The following SAP30BP variants were observed in gnomAD, a reference collection of about 807,000 sequenced individuals.
SAP30BP encodes the protein SAP30-binding protein.
Under a neutral mutation model 46.3 loss-of-function variants are expected in SAP30BP, and 31 were observed. The ratio of observed to expected loss-of-function variants is 0.67; its 90% CI spans 0.50 to 0.90. The LOEUF (loss-of-function observed/expected upper bound fraction) is 0.90, where lower values mean the gene tolerates loss of function less well. Ranked by LOEUF, SAP30BP falls within the 40% of genes least tolerant of loss-of-function variation. The pLI is 0.00. For missense variants in SAP30BP, 312 were observed against 391.0 expected (o/e 0.80, Z 1.70); for synonymous variants, 169 against 144.2 (o/e 1.17, Z -1.23).
chr17:75,703,313 T>A lies in SAP30BP; in HGVS notation c.491T>A (p.Ile164Asn). Residue 164 changes from isoleucine (I) to asparagine (N), a missense_variant and splice_region_variant, in exon 7 of 11, where the codon ATC becomes AAC. Ile to Asn is a moderately radical substitution (Grantham distance 149). Coordinates refer to ENST00000584667, the MANE Select transcript of SAP30BP (RefSeq NM_013260.8). Reference protein sequence around the residue: ...QRKKEFRNPSIYEKLIQFCAI... With the variant: ...QRKKEFRNPSNYEKLIQFCAI... ...CAGCGCCGGCACTGTTCTTTCAGCATCTACGAGAAGCTGATCCAGTTCTGT... is the reference window on the plus strand; with the variant it reads ...CAGCGCCGGCACTGTTCTTTCAGCAACTACGAGAAGCTGATCCAGTTCTGT... 6.2e-7 allele frequency: 1 copy of A among 1,614,126 alleles called. No individual in the cohort carries two copies. The highest frequency in any genetic ancestry group is 8.5e-7 in the Non-Finnish European group (1 of 1,180,004).
At chr17:75,702,927 A>G (rs2060435806) in intron 6 of SAP30BP, 1 of 308,372 alleles carries the variant, frequency 3.2e-6, no homozygotes, top group Non-Finnish European at 6.0e-6. Flanking sequence ...CAACTCTAAA[A>G]AGCTGATTTT....
intron 3 of SAP30BP, among the ~76,000 whole-genome samples, chr17:75,688,021 T>C (rs1313512094): frequency 6.6e-6 from 1 of 151,684 alleles, no homozygotes; most frequent in Non-Finnish European, 1.5e-5. Context: ...TTAGACTTGG[T>C]GATTTTTGTG....
chr17:75,693,572 G>C (rs915956563), intron 4 of SAP30BP, 90 bp downstream of exon 4: 1 of 1,194,818 alleles, frequency 8.4e-7, no homozygotes, highest in African/African-American at 1.5e-5. Flanking sequence ...GCCCCACAGG[G>C]CTTCTGTCTG....
In SAP30BP at chr17:75,667,563, G is replaced by C; in HGVS notation, c.106+85G>C. 3.9e-6 allele frequency: 5 copies of C among 1,279,146 alleles called. No individual in the cohort carries two copies. The South Asian group carries it at 6.1e-5, about 16-fold the overall frequency. 79.2% of individuals were successfully genotyped at this position (1,279,146 alleles called of 1,614,324 possible). Reference sequence around the variant, plus strand: ...CTCGCTGGGCGGGAGGGAACAAGATGGTCATTGTGCTCCAAGCACCGGACC... The same window carrying C: ...CTCGCTGGGCGGGAGGGAACAAGATCGTCATTGTGCTCCAAGCACCGGACC... On this transcript the variant is annotated intron_variant, in intron 1 of 10. Transcript: ENST00000584667.
intron 5 of SAP30BP, among the ~76,000 whole-genome samples, chr17:75,701,601 G>GC (rs1740173393): frequency 6.6e-6 from 1 of 152,198 alleles, no homozygotes. Flanking sequence ...CGATAAACCA[G>GC]CGCGGACCAG....
At chr17:75,674,980 G>A (rs902024872) in intron 3 of SAP30BP, among the ~76,000 whole-genome samples, 26 of 152,220 alleles carry the variant, frequency 1.7e-4, no homozygotes, top group South Asian at 8.3e-4. Context: ...TGGGATTAGA[G>A]CTGTGAGCCA....
rs1375302549 is a variant in SAP30BP at position 75,699,765 on chromosome 17, T to G, written c.308-18T>G. ...TTCTAATCCCCACCTACAGAATTTT[T>G]CCTTCTTCTCTCAACAGCCTCCTTT... On this transcript the variant is annotated intron_variant, in intron 4 of 10. Coordinates refer to ENST00000584667, the MANE Select transcript of SAP30BP (RefSeq NM_013260.8). 1 of 1,597,716 alleles carries G rather than the reference T, an allele frequency of 6.3e-7. No homozygotes were observed. The highest frequency in any genetic ancestry group is 8.6e-7 in the Non-Finnish European group (1 of 1,165,962).
intron 3 of SAP30BP, among the ~76,000 whole-genome samples, chr17:75,672,345 G>A (rs1297246894): frequency 2.0e-5 from 3 of 152,202 alleles, no homozygotes; most frequent in African/African-American, 7.2e-5. Flanking sequence ...TCATTTTCCT[G>A]GGGGTGTGTC....
At chr17:75,698,683 G>T (rs2060359027) in intron 4 of SAP30BP, among the ~76,000 whole-genome samples, 1 of 152,146 alleles carries the variant, frequency 6.6e-6, no homozygotes, top group Non-Finnish European at 1.5e-5. Flanking sequence ...AGTGGTGGCT[G>T]GAGCTGGCTC....
intron 3 of SAP30BP, among the ~76,000 whole-genome samples, chr17:75,673,244 A>C (rs1029284528): frequency 2.6e-5 from 4 of 152,136 alleles, no homozygotes; most frequent in Admixed American, 1.3e-4. Flanking sequence ...ACCCCTGAAA[A>C]CTGTAAATGC....
At chr17:75,694,679 C>A (rs961959071) in intron 4 of SAP30BP, among the ~76,000 whole-genome samples, 1 of 152,216 alleles carries the variant, frequency 6.6e-6, no homozygotes, top group African/African-American at 2.4e-5. Context: ...GCCTCTTATC[C>A]CCGCCATCAC....
At chr17:75,692,476 C>T (rs1272267537) in intron 3 of SAP30BP, 15 of 985,346 alleles carry the variant, frequency 1.5e-5, no homozygotes, top group Non-Finnish European at 1.7e-5. Context: ...GATTGTTGAT[C>T]TAACTGGCTT....
rs1599184184 is a variant in SAP30BP, at chr17:75,707,415, T to C, written c.*894T>C. Reference sequence around the variant, plus strand: ...AGTGGCCACTGGGCTCCCCCCGGGGTTGAAACGGGTTTCCCAGACCAGGGG... The same window carrying C: ...AGTGGCCACTGGGCTCCCCCCGGGGCTGAAACGGGTTTCCCAGACCAGGGG... On this transcript the variant is annotated 3_prime_UTR_variant, in exon 11 of 11. Transcript: ENST00000584667. The C allele has an allele frequency of 6.6e-6, 1 of 152,540 alleles. No homozygotes were observed. The highest frequency in any genetic ancestry group is 2.4e-5 in the African/African-American group (1 of 41,396). 9.4% of individuals were successfully genotyped at this position (152,540 alleles called of 1,614,324 possible).
chr17:75,702,645 G>C (rs901005463), intron 6 of SAP30BP, 74 bp downstream of exon 6: 2 of 697,430 alleles, frequency 2.9e-6, no homozygotes, highest in African/African-American at 3.6e-5. Context: ...TCCCCAAGGA[G>C]GTGGTGAGGA....
At chr17:75,702,226 A>G (rs1439586400) in intron 5 of SAP30BP, among the ~76,000 whole-genome samples, 2 of 152,152 alleles carry the variant, frequency 1.3e-5, no homozygotes, top group South Asian at 2.1e-4. Context: ...GGGTTTCAAC[A>G]TGTGGGCCAG....
chr17:75,682,957 G>A (rs1435878497), intron 3 of SAP30BP, among the ~76,000 whole-genome samples: 13 of 122,034 alleles, frequency 1.1e-4, no homozygotes, highest in South Asian at 5.2e-4. Flanking sequence ...GTGAGACTTC[G>A]TCTCAAAAAA....
At chr17:75,673,955 A>G (rs2148372877) in intron 3 of SAP30BP, among the ~76,000 whole-genome samples, 1 of 152,340 alleles carries the variant, frequency 6.6e-6, no homozygotes, top group East Asian at 1.9e-4. Context: ...TCATGGAATA[A>G]TTTCTGTTCC....
At chr17:75,700,575 G>A (rs755394152) in intron 5 of SAP30BP, among the ~76,000 whole-genome samples, 1 of 152,188 alleles carries the variant, frequency 6.6e-6, no homozygotes, top group Non-Finnish European at 1.5e-5. Flanking sequence ...CAGCAAGCCC[G>A]TGACACCGCC....
chr17:75,684,320 A>G (rs1209698210), intron 3 of SAP30BP: 1 of 152,256 alleles, frequency 6.6e-6, no homozygotes, highest in African/African-American at 2.4e-5. Context: ...TTAGGGTGTC[A>G]TGTGGGGTGC....
Sources: gnomAD v4.1 joint callset for allele counts (sites outside exome capture counted in the v4.1 genomes callset) on GRCh38, gnomAD v4.1.1 for gene constraint, MANE v1.5 for transcripts, NCBI Gene and HGNC (gene_info 2026-07-23, HGNC 2026-07-21) for gene names.